CNTNAP2: variants seen among roughly 807,000 people sequenced by gnomAD.
CNTNAP2 encodes the protein contactin associated protein 2, also known as contactin-associated protein-like 2.
Under a neutral mutation model 155.2 loss-of-function variants are expected in CNTNAP2, and 98 were observed. That is an observed-to-expected ratio of 0.63 (90% confidence interval 0.54 to 0.75). The LOEUF is 0.75. Ranked by LOEUF, CNTNAP2 falls within the 30% of genes least tolerant of loss-of-function variation. CNTNAP2 has a pLI of 0.00. For synonymous variants in CNTNAP2, 651 were observed against 631.2 expected (o/e 1.03, Z -0.47); for missense variants, 1,727 against 1,688.1 (o/e 1.02, Z -0.40).
chr7:146,296,071 T>A (rs1800510343), intron 1 of CNTNAP2, among the ~76,000 whole-genome samples: 1 of 152,126 alleles, frequency 6.6e-6, no homozygotes, highest in African/African-American at 2.4e-5. Flanking sequence ...ACTGACCATT[T>A]GCATCCCATT....
rs1014139486 is a variant in CNTNAP2 at position 147,899,665 on chromosome 7, A to C, written c.2099-3900A>C. Among the ~76,000 whole-genome samples the C allele has an allele frequency of 1.4e-3, 209 of 152,182 alleles. 1 individual carries two copies. The highest frequency in any genetic ancestry group is 4.3e-3 in the African/African-American group (178 of 41,520). On this transcript the variant is annotated intron_variant, in intron 13 of 23. Transcript: ENST00000361727. ...TTTGAGAGGCCAAGGCGGGTGGATCACCTGAGGTCAGGAGTTCGAGACCAG... is the reference window on the plus strand; with the variant it reads ...TTTGAGAGGCCAAGGCGGGTGGATCCCCTGAGGTCAGGAGTTCGAGACCAG...
chr7:146,835,907 C>T (rs573180215), intron 2 of CNTNAP2, among the ~76,000 whole-genome samples: 5 of 152,274 alleles, frequency 3.3e-5, no homozygotes, highest in Admixed American at 6.5e-5. Context: ...AGAGTTTCTA[C>T]AGGTTGGGGC....
In CNTNAP2 at chr7:146,910,386, A is replaced by G. The variant is rs977333489; in HGVS notation, c.402+70482A>G. On this transcript the variant is annotated intron_variant, in intron 3 of 23. Coordinates refer to ENST00000361727, the MANE Select transcript of CNTNAP2 (RefSeq NM_014141.6). The stretch of plus-strand genomic sequence containing the variant: ...AAAAGAACAAAGCTGGAGGCATCAC[A>G]CTACCTGACTTCAAAGTATACTACA... 1.3e-4 allele frequency among the ~76,000 whole-genome samples: 20 copies of G among 149,082 alleles called. 1 individual carries two copies. Among genetic ancestry groups the G allele is most frequent in the Admixed American group, 3.3e-4 (5 of 15,132 alleles).
At chr7:146,355,959 C>T (rs559323805) in intron 1 of CNTNAP2, among the ~76,000 whole-genome samples, 15 of 152,110 alleles carry the variant, frequency 9.9e-5, no homozygotes, top group Admixed American at 3.3e-4. Flanking sequence ...TACAGCTTCT[C>T]CCCTGACTTA....
At chr7:146,690,216 A>G (rs1313521607) in intron 1 of CNTNAP2, among the ~76,000 whole-genome samples, 6 of 152,152 alleles carry the variant, frequency 3.9e-5, no homozygotes, top group Non-Finnish European at 7.4e-5. Flanking sequence ...CGTACTAACC[A>G]TAATTGCATA....
intron 10 of CNTNAP2, among the ~76,000 whole-genome samples, chr7:147,424,755 C>T (rs1797351661): frequency 6.6e-6 from 1 of 152,132 alleles, no homozygotes; most frequent in Non-Finnish European, 1.5e-5. Context: ...ACCAAACTAC[C>T]ATTAAAAATA....
At position 147,250,847 on chromosome 7, in the gene CNTNAP2, T is replaced by A. The variant is rs111532049; in HGVS notation, c.1349-49294T>A. ...CGGCTGAGCAGTCTGTCCGAGCAAGTCCTCCAGGTGATTCTGGTGAATTCC... is the reference window on the plus strand; with the variant it reads ...CGGCTGAGCAGTCTGTCCGAGCAAGACCTCCAGGTGATTCTGGTGAATTCC... On this transcript the variant is annotated intron_variant, in intron 8 of 23. Transcript: ENST00000361727. Among the ~76,000 whole-genome samples the A allele has an allele frequency of 2.6e-5, 4 of 152,278 alleles. 1 individual carries two copies. Among genetic ancestry groups the A allele is most frequent in the African/African-American group, 9.6e-5 (4 of 41,568 alleles).
intron 1 of CNTNAP2, among the ~76,000 whole-genome samples, chr7:146,544,067 T>C (rs1250119781): frequency 6.6e-6 from 1 of 151,988 alleles, no homozygotes; most frequent in South Asian, 2.1e-4. Context: ...CTCATAAAAT[T>C]AGTTTAAAAA....
At chr7:146,154,541 G>A (rs1269973525) in intron 1 of CNTNAP2, among the ~76,000 whole-genome samples, 1 of 152,164 alleles carries the variant, frequency 6.6e-6, no homozygotes, top group African/African-American at 2.4e-5. Flanking sequence ...TTGAATTTCA[G>A]ATAACAACTG....
intron 3 of CNTNAP2, among the ~76,000 whole-genome samples, chr7:147,004,240 CG>C (rs1798483400): frequency 8.5e-6 from 1 of 118,298 alleles, no homozygotes; most frequent in East Asian, 2.6e-4. Context: ...AAAAGAAAAA[CG>C]GTAACAAAAA....
At chr7:146,612,989 C>A (rs1799164014) in intron 1 of CNTNAP2, among the ~76,000 whole-genome samples, 1 of 147,490 alleles carries the variant, frequency 6.8e-6, no homozygotes, top group South Asian at 2.1e-4. Flanking sequence ...GCTATCCATG[C>A]TTTTTGTCCT....
intron 1 of CNTNAP2, among the ~76,000 whole-genome samples, chr7:146,319,485 C>A (rs1267735368): frequency 6.6e-6 from 1 of 152,084 alleles, no homozygotes; most frequent in African/African-American, 2.4e-5. Flanking sequence ...ACAAATTGGA[C>A]AAACAAATGT....
intron 13 of CNTNAP2, among the ~76,000 whole-genome samples, chr7:147,703,339 C>T (rs1020252425): frequency 7.2e-5 from 11 of 152,140 alleles, no homozygotes; most frequent in African/African-American, 2.7e-4. Flanking sequence ...AAAATACTAG[C>T]TGGAAAAGTG....
chr7:146,989,040 A>G (rs1798164383), intron 3 of CNTNAP2, among the ~76,000 whole-genome samples: 1 of 152,086 alleles, frequency 6.6e-6, no homozygotes, highest in Admixed American at 6.6e-5. Flanking sequence ...CTTGTCTGCC[A>G]GATGTTTGCT....
chr7:147,563,672 T>C (rs1373025535), intron 12 of CNTNAP2, among the ~76,000 whole-genome samples: 1 of 151,202 alleles, frequency 6.6e-6, no homozygotes, highest in Non-Finnish European at 1.5e-5. Flanking sequence ...GCCCATATTA[T>C]TCAGGCAAAT....
intron 13 of CNTNAP2, among the ~76,000 whole-genome samples, chr7:147,712,903 A>AT (rs1563061827): frequency 6.6e-6 from 1 of 152,276 alleles, no homozygotes; most frequent in South Asian, 2.1e-4. Flanking sequence ...TAATAAAAAA[A>AT]TTTTTAAAAA....
chr7:146,923,179 G>T (rs1005049495), intron 3 of CNTNAP2, among the ~76,000 whole-genome samples: 3 of 152,140 alleles, frequency 2.0e-5, no homozygotes, highest in Non-Finnish European at 4.4e-5. Flanking sequence ...TTAAAGGGTG[G>T]TTGTTGAGAA....
chr7:146,772,033 C>T (rs1802301195), intron 1 of CNTNAP2, among the ~76,000 whole-genome samples: 1 of 152,064 alleles, frequency 6.6e-6, no homozygotes, highest in Non-Finnish European at 1.5e-5. Context: ...ATTTATCCTA[C>T]AAATGTTTTT....
chr7:147,384,153 A>G (rs1034527697), intron 9 of CNTNAP2, among the ~76,000 whole-genome samples: 2 of 152,180 alleles, frequency 1.3e-5, no homozygotes, highest in African/African-American at 4.8e-5. Context: ...TGGCTGAAAC[A>G]TGGTGACCAA....
Sources: allele counts gnomAD v4.1 joint callset (sites outside exome capture counted in the v4.1 genomes callset), GRCh38; gene constraint gnomAD v4.1.1; transcripts MANE v1.5; gene names NCBI Gene and HGNC (gene_info 2026-07-23, HGNC 2026-07-21).